ZDHHC3: variants seen among roughly 807,000 people sequenced by gnomAD.
ZDHHC3 encodes palmitoyltransferase ZDHHC3.
Under a neutral mutation model 30.6 loss-of-function variants are expected in ZDHHC3, and 9 were observed. The observed-to-expected ratio is 0.29, with a 90% confidence interval of 0.18 to 0.51. The LOEUF is 0.51. Ranked by LOEUF, ZDHHC3 falls within the 20% of genes least tolerant of loss-of-function variation. ZDHHC3 has a pLI of 0.97. For missense variants in ZDHHC3, 246 were observed against 384.2 expected (o/e 0.64, Z 3.01); for synonymous variants, 136 against 140.2 (o/e 0.97, Z 0.21).
rs1033278081 is a variant in ZDHHC3 at position 44,925,402 on chromosome 3, C to A, written c.*1287G>T. 5.1e-6 allele frequency: 5 copies of A among 985,688 alleles called. No individual in the cohort carries two copies. In the South Asian group the frequency reaches 1.9e-4, roughly 37 times the overall value. The allele number at this position is 985,688 out of a possible 1,614,324, so 61.1% of individuals were successfully genotyped here. On this transcript the variant is annotated 3_prime_UTR_variant, in exon 7 of 7. Transcript: ENST00000424952. Reference sequence around the variant, plus strand: ...AACAAATCAATGTGTGAGAATTCCCCGATGGTCAATAATCATATTTGTTAT... The same window carrying A: ...AACAAATCAATGTGTGAGAATTCCCAGATGGTCAATAATCATATTTGTTAT...
In ZDHHC3 at chr3:44,915,311, A is replaced by T. The variant is rs1023806498; in HGVS notation, c.*11378T>A. 3 of 152,244 alleles carry T rather than the reference A, an allele frequency of 2.0e-5. No individual in the cohort carries two copies. The highest frequency in any genetic ancestry group is 2.0e-4 in the Admixed American group (3 of 15,286). 9.4% of individuals were successfully genotyped at this position (152,244 alleles called of 1,614,324 possible). A position where few individuals can be genotyped will look rare whatever the true frequency, so the allele number is the denominator to read the frequency against. ...TCAAAGAAAGAGGCAAATTGCACCC[A>T]ATCTCTCTCCCTGTAAGATCTCATC... On this transcript the variant is annotated 3_prime_UTR_variant, in exon 7 of 7. Coordinates refer to ENST00000424952, the MANE Select transcript of ZDHHC3 (RefSeq NM_001135179.2).
intron 5 of ZDHHC3, among the ~76,000 whole-genome samples, chr3:44,930,428 G>A (rs1429660696): frequency 6.6e-6 from 1 of 152,226 alleles, no homozygotes; most frequent in Non-Finnish European, 1.5e-5. Context: ...GGACTTCTGT[G>A]CCTCAGTGCA....
intron 2 of ZDHHC3, among the ~76,000 whole-genome samples, chr3:44,945,803 C>T (rs145201450): frequency 0.01 from 1,578 of 152,154 alleles, 26 homozygotes; most frequent in African/African-American, 0.036. Context: ...GTGATCCGCC[C>T]GCCTCAGCCT....
In ZDHHC3 at chr3:44,918,272, G is replaced by C. The variant is rs1700342315; in HGVS notation, c.*8417C>G. 8.3e-7 allele frequency: 1 copy of C among 1,202,558 alleles called. No homozygotes were observed. Among genetic ancestry groups the C allele is most frequent in the Non-Finnish European group, 1.1e-6 (1 of 945,858 alleles). 74.5% of individuals were successfully genotyped at this position (1,202,558 alleles called of 1,614,324 possible). On this transcript the variant is annotated 3_prime_UTR_variant, in exon 7 of 7. Coordinates refer to ENST00000424952, the MANE Select transcript of ZDHHC3 (RefSeq NM_001135179.2). Reference sequence around the variant, plus strand: ...GGGTGTCCACGGCATGGGTAAGATGGGGTCTGAGTGGGCAGTCTGTTGTGG... The same window carrying C: ...GGGTGTCCACGGCATGGGTAAGATGCGGTCTGAGTGGGCAGTCTGTTGTGG...
At chr3:44,955,141 C>T (rs368997328) in intron 2 of ZDHHC3, among the ~76,000 whole-genome samples, 7 of 152,340 alleles carry the variant, frequency 4.6e-5, no homozygotes, top group African/African-American at 1.7e-4. Flanking sequence ...GGCCAGCCTG[C>T]CTGTCAAGTG....
At position 44,920,942 on chromosome 3, in the gene ZDHHC3, T is replaced by C; in HGVS notation, c.*5747A>G. 1.0e-6 allele frequency: 1 copy of C among 985,456 alleles called. No homozygotes were observed. Among genetic ancestry groups the C allele is most frequent in the African/African-American group, 1.7e-5 (1 of 57,358 alleles). 61.0% of individuals were successfully genotyped at this position (985,456 alleles called of 1,614,324 possible). ...TATAAAAATGGGCTGAGGGCTGCTT[T>C]TTCCTGGTAGGACTCAATTTTGAGT... On this transcript the variant is annotated 3_prime_UTR_variant, in exon 7 of 7. Transcript: ENST00000424952.
rs1040493092 is a variant in ZDHHC3, at chr3:44,926,523, G to A, written c.*166C>T. ...GATGGTTTTTAAAAAATAAAATGTG[G>A]GGACTTTTTTTTTTCTCTGCAATGC... On this transcript the variant is annotated 3_prime_UTR_variant, in exon 7 of 7. Transcript: ENST00000424952. 5 of 1,274,616 alleles carry A rather than the reference G, an allele frequency of 3.9e-6. No homozygotes were observed. Among genetic ancestry groups the A allele is most frequent in the Non-Finnish European group, 5.0e-6 (5 of 1,009,546 alleles). The allele number at this position is 1,274,616 out of a possible 1,614,324, so 79.0% of individuals were successfully genotyped here.
Position 44,916,709 on chromosome 3 carries a change from T to C in ZDHHC3, c.*9980A>G, listed in dbSNP as rs771417915. The C allele has an allele frequency of 6.6e-6, 1 of 152,212 alleles. No individual in the cohort carries two copies. The highest frequency in any genetic ancestry group is 1.5e-5 in the Non-Finnish European group (1 of 68,052). The allele number at this position is 152,212 out of a possible 1,614,324, so 9.4% of individuals were successfully genotyped here. ...TTGGGCTTTGTGCAGAAGATGCTGC[T>C]TCAGCAACCACTGGAATGGGGTTTA... On this transcript the variant is annotated 3_prime_UTR_variant, in exon 7 of 7. Transcript: ENST00000424952.
rs187813945 is a variant in ZDHHC3 at position 44,971,256 on chromosome 3, G to A, written c.-25+4677C>T. 1.4e-3 allele frequency among the ~76,000 whole-genome samples: 210 copies of A among 152,334 alleles called. 2 individuals are homozygous for A. Among genetic ancestry groups the A allele is most frequent in the African/African-American group, 4.5e-3 (187 of 41,572 alleles). ...GAAATACATATTCATATCTTGCCAA[G>A]AGTTCAAGTGCCAAGTCAATACATA... On this transcript the variant is annotated intron_variant, in intron 1 of 6. Coordinates refer to ENST00000424952, the MANE Select transcript of ZDHHC3 (RefSeq NM_001135179.2).
chr3:44,958,181 T>C (rs1269345094), intron 2 of ZDHHC3, among the ~76,000 whole-genome samples: 3 of 152,110 alleles, frequency 2.0e-5, no homozygotes, highest in Non-Finnish European at 4.4e-5. Context: ...CAGTGGCTGA[T>C]ATGTAATTGA....
intron 1 of ZDHHC3, among the ~76,000 whole-genome samples, chr3:44,962,392 C>T (rs547386885): frequency 2.0e-3 from 311 of 152,214 alleles, no homozygotes; most frequent in Non-Finnish European, 3.6e-3. Flanking sequence ...ATAAGCCCTT[C>T]CACGTAAGTA....
At position 44,959,879 on chromosome 3, in the gene ZDHHC3, A is replaced by G. The variant is rs1704319431; in HGVS notation, c.-24-419T>C. Reference sequence around the variant, plus strand: ...CGGGCTCAAGGGATCCTCCCACCTCAACCTCCCAAGTACCTAGAACTACAG... The same window carrying G: ...CGGGCTCAAGGGATCCTCCCACCTCGACCTCCCAAGTACCTAGAACTACAG... On this transcript the variant is annotated intron_variant, in intron 1 of 6. Coordinates refer to ENST00000424952, the MANE Select transcript of ZDHHC3 (RefSeq NM_001135179.2). This position sits in a 1 kb window ranked among gnomAD's most constrained non-coding sequence, Gnocchi z 4.3. Among the ~76,000 whole-genome samples, 1 of 152,062 alleles carries G rather than the reference A, an allele frequency of 6.6e-6. No homozygotes were observed. The highest frequency in any genetic ancestry group is 1.5e-5 in the Non-Finnish European group (1 of 67,996).
intron 6 of ZDHHC3, among the ~76,000 whole-genome samples, chr3:44,927,923 C>T (rs1701141642): frequency 1.3e-5 from 2 of 152,218 alleles, no homozygotes; most frequent in South Asian, 4.1e-4. Context: ...CACCCCTTCC[C>T]AGGTGGGGCA....
At chr3:44,940,459 G>C (rs186055169) in intron 3 of ZDHHC3, among the ~76,000 whole-genome samples, 3 of 152,214 alleles carry the variant, frequency 2.0e-5, no homozygotes, top group Non-Finnish European at 4.4e-5. Flanking sequence ...GGTCCTTCTT[G>C]TCCACAGTCC....
Position 44,926,861 on chromosome 3 carries a change from C to T in ZDHHC3, c.742-14G>A, listed in dbSNP as rs774430639. 6.3e-7 allele frequency: 1 copy of T among 1,595,454 alleles called. No individual in the cohort carries two copies. The highest frequency in any genetic ancestry group is 8.5e-7 in the Non-Finnish European group (1 of 1,171,152). ...TTGTTCTATTCCCTGAAAACAAGAA[C>T]AATCATACTTTCAGTCAAGCACTGC... On this transcript the variant is annotated splice_polypyrimidine_tract_variant and intron_variant, in intron 6 of 6. Transcript: ENST00000424952.
rs528213921 is a variant in ZDHHC3 at position 44,946,965 on chromosome 3, G to C, written c.307-1673C>G. 2.6e-5 allele frequency among the ~76,000 whole-genome samples: 4 copies of C among 152,324 alleles called. No individual in the cohort carries two copies. In the East Asian group the frequency reaches 7.7e-4, roughly 29 times the overall value. ...CTGTGTTATGTGGATCATATAAGAA[G>C]AGGGAGAGATGAAAATTCCAGACAC... On this transcript the variant is annotated intron_variant, in intron 2 of 6. Transcript: ENST00000424952.
At chr3:44,937,674 T>G (rs886682939) in intron 3 of ZDHHC3, 2 of 154,100 alleles carry the variant, frequency 1.3e-5, no homozygotes, top group African/African-American at 4.9e-5. Context: ...GCCTCTACCA[T>G]GCTGCTGAAG....
At chr3:44,961,421 T>G (rs929776899) in intron 1 of ZDHHC3, among the ~76,000 whole-genome samples, 2 of 152,124 alleles carry the variant, frequency 1.3e-5, no homozygotes, top group Non-Finnish European at 2.9e-5. Flanking sequence ...CCATTTCAAG[T>G]AGAGTAAAAG....
chr3:44,966,228 G>A (rs1704941863), intron 1 of ZDHHC3, among the ~76,000 whole-genome samples: 1 of 152,200 alleles, frequency 6.6e-6, no homozygotes, highest in Non-Finnish European at 1.5e-5. Context: ...ATGAACATCA[G>A]CAAAATAGTA....
Sources: allele counts gnomAD v4.1 joint callset (sites outside exome capture counted in the v4.1 genomes callset), GRCh38; gene constraint gnomAD v4.1.1; non-coding constraint Gnocchi (gnomAD v3.1); transcripts MANE v1.5; gene names NCBI Gene and HGNC (gene_info 2026-07-23, HGNC 2026-07-21).